The following CDYL2 variants were observed in gnomAD, a reference collection of about 807,000 sequenced individuals.
CDYL2 encodes the protein chromodomain Y-like protein 2.
Under a neutral mutation model 49.4 loss-of-function variants are expected in CDYL2, and 23 were observed. The observed-to-expected ratio is 0.47, with a 90% CI of 0.34 to 0.66. CDYL2 has a LOEUF of 0.66. Ranked by LOEUF, CDYL2 falls within the 30% of genes least tolerant of loss-of-function variation. CDYL2 has a pLI of 0.01. For synonymous variants in CDYL2, 360 were observed against 268.8 expected, an observed-to-expected ratio of 1.34 and a Z score of -3.32; for missense variants, 678 against 656.4, an observed-to-expected ratio of 1.03 and a Z score of -0.36.
rs1206448220 is a variant in CDYL2 at position 80,633,110 on chromosome 16, C to T, written c.743G>A (p.Arg248Gln). The T allele has an allele frequency of 2.5e-6, 4 of 1,614,034 alleles. No individual in the cohort carries two copies. Among genetic ancestry groups the T allele is most frequent in the South Asian group, 2.2e-5 (2 of 91,086 alleles). ...YSVRQNESNC[R>Q]FRDIVVRKEE... ...CTTCCGCACAACGATGTCTCGAAAC[C>T]GACAGTTGCTTTCATTCTGGCGGAC... The change falls in exon 3 of 7, where the codon CGG (arginine) becomes CAG (glutamine). Residue 248 changes from arginine (R) to glutamine (Q), a missense_variant. Transcript: ENST00000570137.
intron 3 of CDYL2, among the ~76,000 whole-genome samples, chr16:80,630,046 G>A (rs1216065517): frequency 2.0e-5 from 3 of 152,222 alleles, no homozygotes; most frequent in East Asian, 3.9e-4. Context: ...AGGATTGGAA[G>A]CCAGGTCTGC....
intron 2 of CDYL2, among the ~76,000 whole-genome samples, chr16:80,675,209 T>C (rs896509243): frequency 6.6e-6 from 1 of 152,156 alleles, no homozygotes; most frequent in Non-Finnish European, 1.5e-5. Context: ...CCTTTCTTCA[T>C]TTACAAAACT....
intron 4 of CDYL2, among the ~76,000 whole-genome samples, chr16:80,619,377 T>C (rs1011854843): frequency 3.9e-5 from 6 of 152,180 alleles, no homozygotes; most frequent in African/African-American, 1.4e-4. Flanking sequence ...AATGAGCTGC[T>C]CGTGCATGGA....
intron 2 of CDYL2, among the ~76,000 whole-genome samples, chr16:80,662,197 C>G (rs1324027858): frequency 6.6e-6 from 1 of 152,174 alleles, no homozygotes; most frequent in Non-Finnish European, 1.5e-5. Context: ...ATCTGGCGCT[C>G]TGAGTGAGAT....
At chr16:80,797,818 T>C (rs1445507808) in intron 1 of CDYL2, among the ~76,000 whole-genome samples, 1 of 152,228 alleles carries the variant, frequency 6.6e-6, no homozygotes, top group East Asian at 1.9e-4. Context: ...GCCACCATCA[T>C]CTTGTTTCAA....
chr16:80,712,191 G>GTATATATATATATATC, intron 1 of CDYL2, among the ~76,000 whole-genome samples: 1 of 107,934 alleles, frequency 9.3e-6, no homozygotes, highest in East Asian at 2.5e-4. Flanking sequence ...GTCTGTGTGT[G>GTATATATATATATATC]TATATATATA....
At position 80,684,962 on chromosome 16, in the gene CDYL2, C is replaced by T. The variant is rs1274528260; in HGVS notation, c.192G>A (p.Lys64=). The change falls in exon 2 of 7, where the codon AAG becomes AAA. Residue 64 remains lysine (K), a synonymous_variant. Transcript: ENST00000570137. ...EFNGLHMSKD[K]RIKSGKQSST... Reference sequence around the variant, plus strand: ...TGGACTGCTTCCCTGACTTGATCCTCTTGTCCTTGGACATGTGCAACCCAT... The same window carrying T: ...TGGACTGCTTCCCTGACTTGATCCTTTTGTCCTTGGACATGTGCAACCCAT... 5 of 1,614,122 alleles carry T rather than the reference C, an allele frequency of 3.1e-6. No homozygotes were observed. Among genetic ancestry groups the T allele is most frequent in the East Asian group, 2.2e-5 (1 of 44,898 alleles).
intron 3 of CDYL2, 52 bp downstream of exon 3, chr16:80,632,967 T>G: frequency 1.3e-6 from 2 of 1,536,818 alleles, no homozygotes; most frequent in Non-Finnish European, 1.8e-6. Context: ...CCATTCTGAG[T>G]GAGAAGGAGC....
intron 2 of CDYL2, among the ~76,000 whole-genome samples, chr16:80,656,238 G>T (rs1435772240): frequency 6.6e-6 from 1 of 152,194 alleles, no homozygotes; most frequent in Non-Finnish European, 1.5e-5. Flanking sequence ...GGACACCAAG[G>T]CATTCAAAAA....
In CDYL2 at chr16:80,668,494, T is replaced by A. The variant is rs189274818; in HGVS notation, c.616+16044A>T. ...AATATATGGTATGTAATAAAGTACA[T>A]AGATTTAATATATATAAATACATAT... is the stretch of plus-strand genomic sequence containing the variant. On this transcript the variant is annotated intron_variant, in intron 2 of 6. Transcript: ENST00000570137. Among the ~76,000 whole-genome samples, 3 of 151,214 alleles carry A rather than the reference T, an allele frequency of 2.0e-5. No homozygotes were observed. The East Asian group carries it at 5.8e-4, about 29-fold the overall frequency.
intron 1 of CDYL2, among the ~76,000 whole-genome samples, chr16:80,688,168 C>T (rs940957096): frequency 6.6e-6 from 1 of 152,174 alleles, no homozygotes; most frequent in African/African-American, 2.4e-5. Flanking sequence ...ATCACAGAGT[C>T]ACAGGTAGCT....
intron 1 of CDYL2, among the ~76,000 whole-genome samples, chr16:80,785,750 G>T (rs1907414466): frequency 6.6e-6 from 1 of 152,082 alleles, no homozygotes; most frequent in Non-Finnish European, 1.5e-5. Context: ...GCATAGTACT[G>T]GTACCAAAAC....
upstream of CDYL2, among the ~76,000 whole-genome samples, chr16:80,804,605 G>A (rs1248094930): frequency 1.0e-4 from 15 of 144,204 alleles, 1 homozygote; most frequent in South Asian, 3.2e-3. Context: ...CACTGGGCGA[G>A]TCCCCGCCCC....
At chr16:80,635,958 T>C (rs147582159) in intron 2 of CDYL2, among the ~76,000 whole-genome samples, 12,730 of 152,248 alleles carry the variant, frequency 0.084, 994 homozygotes, top group Admixed American at 0.24. Flanking sequence ...AAACAAGCAA[T>C]GGGGAAAGGA....
chr16:80,698,530 T>G (rs1277298325), intron 1 of CDYL2, among the ~76,000 whole-genome samples: 1 of 152,114 alleles, frequency 6.6e-6, no homozygotes, highest in Non-Finnish European at 1.5e-5. Context: ...CTTGCCCAAA[T>G]CTCATGCTGA....
At chr16:80,801,940 C>A (rs182966734) in intron 1 of CDYL2, among the ~76,000 whole-genome samples, 1 of 152,140 alleles carries the variant, frequency 6.6e-6, no homozygotes, top group African/African-American at 2.4e-5. Flanking sequence ...CAATTTAGCC[C>A]TTTTAGTAAT....
chr16:80,611,663 T>TACCACTGCATGCCTTTAG, intron 5 of CDYL2, among the ~76,000 whole-genome samples: 1 of 152,226 alleles, frequency 6.6e-6, no homozygotes, highest in East Asian at 1.9e-4. Context: ...CAACTGGCAC[T>TACCACTGCATGCCTTTAG]ACCACTGCAT....
chr16:80,631,933 A>G (rs944816533), intron 3 of CDYL2, among the ~76,000 whole-genome samples: 4 of 152,186 alleles, frequency 2.6e-5, no homozygotes, highest in Admixed American at 6.5e-5. Flanking sequence ...CTCACATACT[A>G]CTGGTCAGAA....
chr16:80,693,837 A>C (rs1423852939), intron 1 of CDYL2, among the ~76,000 whole-genome samples: 1 of 152,198 alleles, frequency 6.6e-6, no homozygotes, highest in East Asian at 1.9e-4. Context: ...CTTTTAAAAA[A>C]AAATCAACCA....
Sources: gnomAD v4.1 joint callset for allele counts (sites outside exome capture counted in the v4.1 genomes callset) on GRCh38, gnomAD v4.1.1 for gene constraint, MANE v1.5 for transcripts, NCBI Gene and HGNC (gene_info 2026-07-23, HGNC 2026-07-21) for gene names.